The following SPECC1L variants were observed in gnomAD, a reference collection of about 807,000 sequenced individuals.
The protein encoded by SPECC1L is cytospin-A.
SPECC1L carries 40 observed loss-of-function variants against 116.8 expected under a neutral mutation model. That is an observed-to-expected ratio of 0.34 (90% confidence interval 0.27 to 0.45). The LOEUF (loss-of-function observed/expected upper bound fraction) is 0.45. Ranked by LOEUF, SPECC1L falls within the 20% of genes least tolerant of loss-of-function variation. SPECC1L has a pLI of 1.00. For missense variants in SPECC1L, 1,110 were observed against 1,373.6 expected, an observed-to-expected ratio of 0.81 and a Z score of 3.03; for synonymous variants, 504 against 500.6, an observed-to-expected ratio of 1.01 and a Z score of -0.09.
chr22:24,290,170 A>G (rs1270896596), intron 2 of SPECC1L, among the ~76,000 whole-genome samples: 1 of 152,164 alleles, frequency 6.6e-6, no homozygotes, highest in African/African-American at 2.4e-5. Context: ...GACTTTCTTA[A>G]CTGGTTGGAC....
intron 11 of SPECC1L, among the ~76,000 whole-genome samples, chr22:24,358,608 A>G (rs1007087181): frequency 1.3e-5 from 2 of 152,202 alleles, no homozygotes; most frequent in Non-Finnish European, 2.9e-5. Context: ...GAGTTTGTAT[A>G]CAAACTGTTG....
intron 1 of SPECC1L, among the ~76,000 whole-genome samples, chr22:24,274,023 G>T (rs2048783378): frequency 6.6e-6 from 1 of 152,194 alleles, no homozygotes; most frequent in Non-Finnish European, 1.5e-5. Flanking sequence ...CTCCCAAAGT[G>T]CTGAGATTAC....
intron 2 of SPECC1L, among the ~76,000 whole-genome samples, chr22:24,278,546 G>T (rs2048880578): frequency 6.6e-6 from 1 of 152,108 alleles, no homozygotes; most frequent in Non-Finnish European, 1.5e-5. Flanking sequence ...GATATTGACT[G>T]TTAGGTGCCA....
chr22:24,281,485 C>T (rs2048941268), intron 2 of SPECC1L, among the ~76,000 whole-genome samples: 1 of 152,162 alleles, frequency 6.6e-6, no homozygotes, highest in African/African-American at 2.4e-5. Context: ...TAATTTTTCT[C>T]AACAATATTT....
At position 24,352,998 on chromosome 22, in the gene SPECC1L, A is replaced by G. The variant is rs529725460; in HGVS notation, c.2743+5822A>G. On this transcript the variant is annotated intron_variant, in intron 11 of 16. Transcript: ENST00000314328. ...ATAATCACTACCCTTCAGCATGCAT[A>G]TCAGTATTTATGGTGTTCTGTCTCT... Among the ~76,000 whole-genome samples the G allele has an allele frequency of 3.9e-5, 6 of 152,338 alleles. No individual in the cohort carries two copies. The South Asian group carries it at 1.2e-3, about 32-fold the overall frequency.
chr22:24,376,060 T>C (rs2041965932), intron 14 of SPECC1L, among the ~76,000 whole-genome samples: 1 of 152,158 alleles, frequency 6.6e-6, no homozygotes, highest in Non-Finnish European at 1.5e-5. Context: ...CAAGAAAGAA[T>C]GTCGTTTATC....
chr22:24,332,041 GCTTT>G lies in SPECC1L; in HGVS notation c.2396+1615_2396+1618del, dbSNP rs528108022. ...GAAAGTGCTGTGATTAGTTTGAGCT[GCTTT>G]CTTTTTTCATGGAATGCCATTTTTT... is the stretch of plus-strand genomic sequence containing the variant. On this transcript the variant is annotated intron_variant, in intron 8 of 16. Coordinates refer to ENST00000314328, the MANE Select transcript of SPECC1L (RefSeq NM_015330.6). 3.4e-3 allele frequency among the ~76,000 whole-genome samples: 518 copies of G among 152,276 alleles called. 2 individuals are homozygous for G. Among genetic ancestry groups the G allele is most frequent in the Non-Finnish European group, 5.5e-3 (375 of 68,012 alleles).
At chr22:24,313,792 GC>G (rs1283871607) in intron 4 of SPECC1L, among the ~76,000 whole-genome samples, 1 of 147,294 alleles carries the variant, frequency 6.8e-6, no homozygotes, top group Non-Finnish European at 1.5e-5. Flanking sequence ...AGGCTGAAGT[GC>G]AATGGTGCCA....
chr22:24,321,047 C>A (rs533644901), intron 4 of SPECC1L, among the ~76,000 whole-genome samples: 1 of 152,154 alleles, frequency 6.6e-6, no homozygotes. Context: ...AAAATTTACT[C>A]TTTTAAAAAC....
intron 14 of SPECC1L, among the ~76,000 whole-genome samples, chr22:24,406,749 T>C (rs1167451805): frequency 6.6e-6 from 1 of 152,214 alleles, no homozygotes; most frequent in Non-Finnish European, 1.5e-5. Context: ...GTCATAATAT[T>C]AACGGGCCGT....
Position 24,321,666 on chromosome 22 carries a change from A to C in SPECC1L, c.686A>C (p.Glu229Ala), listed in dbSNP as rs748912391. Residue 229 changes from glutamate (E) to alanine (A), a missense_variant, in exon 5 of 17, where the codon GAA becomes GCA. Transcript: ENST00000314328. ...HSEGDEKSEK[E>A]TIMAHQPTDV... is the part of the protein sequence containing the mutation. The stretch of plus-strand genomic sequence containing the variant: ...GAGGGTGATGAAAAATCTGAGAAGG[A>C]AACTATTATGGCTCACCAGCCGACT... 12 of 1,614,118 alleles carry C rather than the reference A, an allele frequency of 7.4e-6. No homozygotes were observed. The African/African-American group carries it at 1.6e-4, about 22-fold the overall frequency.
intron 11 of SPECC1L, among the ~76,000 whole-genome samples, chr22:24,359,053 C>T (rs546074223): frequency 1.3e-4 from 20 of 152,184 alleles, no homozygotes; most frequent in South Asian, 1.0e-3. Context: ...CCCTCTTTAC[C>T]GGCGAGCTCC....
chr22:24,391,535 G>T (rs1388342907), intron 14 of SPECC1L, among the ~76,000 whole-genome samples: 3 of 152,188 alleles, frequency 2.0e-5, no homozygotes, highest in African/African-American at 4.8e-5. Flanking sequence ...ACAGGGGAAG[G>T]AGTGGAGGCC....
intron 9 of SPECC1L, among the ~76,000 whole-genome samples, chr22:24,336,767 TCTA>T (rs1399071274): frequency 6.6e-6 from 1 of 152,182 alleles, no homozygotes; most frequent in South Asian, 2.1e-4. Flanking sequence ...ACCCAGCAAT[TCTA>T]CTCCTAATTA....
At chr22:24,390,872 CTT>C (rs1016008966) in intron 14 of SPECC1L, among the ~76,000 whole-genome samples, 40 of 57,046 alleles carry the variant, frequency 7.0e-4, no homozygotes, top group East Asian at 3.4e-3. Context: ...TTTTTCTTTT[CTT>C]TTTTTTTTTT....
chr22:24,339,701 G>T (rs1474182278), intron 10 of SPECC1L, among the ~76,000 whole-genome samples: 1 of 152,224 alleles, frequency 6.6e-6, no homozygotes, highest in African/African-American at 2.4e-5. Context: ...AGACATTTGT[G>T]CTGTGTTTAC....
intron 2 of SPECC1L, among the ~76,000 whole-genome samples, chr22:24,289,056 A>G (rs2049107258): frequency 1.3e-5 from 2 of 152,230 alleles, no homozygotes; most frequent in South Asian, 2.1e-4. Flanking sequence ...GATGTTTTGA[A>G]TTAAAACTAT....
chr22:24,369,189 T>C (rs781677923), intron 13 of SPECC1L, 29 bp from the exon 14 acceptor site: 1 of 1,551,724 alleles, frequency 6.4e-7, no homozygotes, highest in East Asian at 2.2e-5. Flanking sequence ...AAACAAAAAA[T>C]ATTTCAACTT....
chr22:24,324,967 A>G lies in SPECC1L; in HGVS notation c.2146+540A>G, dbSNP rs142508032. ...AGAATGGATTATTTTTTGTCAGAGA[A>G]TAATGGGGTTCATAATCAATAATGG... is the stretch of plus-strand genomic sequence containing the variant. On this transcript the variant is annotated intron_variant, in intron 6 of 16. Transcript: ENST00000314328. Among the ~76,000 whole-genome samples the G allele has an allele frequency of 2.5e-3, 385 of 152,352 alleles. 1 individual carries two copies. The highest frequency in any genetic ancestry group is 8.7e-3 in the African/African-American group (362 of 41,586).
Sources: gnomAD v4.1 joint callset for allele counts (sites outside exome capture counted in the v4.1 genomes callset) on GRCh38, gnomAD v4.1.1 for gene constraint, MANE v1.5 for transcripts, NCBI Gene and HGNC (gene_info 2026-07-23, HGNC 2026-07-21) for gene names.